The following PAFAH1B1 variants were observed in gnomAD, a reference collection of about 807,000 sequenced individuals.
The protein encoded by PAFAH1B1 is platelet-activating factor acetylhydrolase IB subunit beta.
In PAFAH1B1, 2 loss-of-function variants were observed where a neutral mutation model predicts 57.5. The ratio of observed to expected loss-of-function variants is 0.03; its 90% CI spans 0.01 to 0.11. The LOEUF is 0.11. Ranked by LOEUF, PAFAH1B1 falls within the 10% of genes least tolerant of loss-of-function variation. The pLI, the probability that PAFAH1B1 is intolerant of heterozygous loss-of-function variation, is 1.00. For synonymous variants in PAFAH1B1, 152 were observed against 169.6 expected, an observed-to-expected ratio of 0.90 and a Z score of 0.81; for missense variants, 257 against 512.0, an observed-to-expected ratio of 0.50 and a Z score of 4.81.
chr17:2,643,173 G>C (rs2068719528), intron 2 of PAFAH1B1, among the ~76,000 whole-genome samples: 1 of 151,712 alleles, frequency 6.6e-6, no homozygotes, highest in Non-Finnish European at 1.5e-5. Context: ...GCTCACTGCA[G>C]CCTTGACCTC....
intron 2 of PAFAH1B1, among the ~76,000 whole-genome samples, chr17:2,642,956 C>T (rs1297410501): frequency 6.6e-6 from 1 of 152,156 alleles, no homozygotes; most frequent in Non-Finnish European, 1.5e-5. Context: ...ATCCCTTCCA[C>T]CATGTTACCC....
At chr17:2,605,290 T>C (rs1441361845) in intron 1 of PAFAH1B1, among the ~76,000 whole-genome samples, 1 of 152,054 alleles carries the variant, frequency 6.6e-6, no homozygotes, top group African/African-American at 2.4e-5. Flanking sequence ...AGAAACGAGG[T>C]GTTATTAGCC....
chr17:2,669,155 C>G (rs965108072), intron 5 of PAFAH1B1, among the ~76,000 whole-genome samples: 5 of 152,002 alleles, frequency 3.3e-5, no homozygotes, highest in Non-Finnish European at 7.4e-5. Flanking sequence ...CTAATTGTTT[C>G]TCCCCATTAC....
At chr17:2,626,650 G>C (rs1007221362) in intron 1 of PAFAH1B1, among the ~76,000 whole-genome samples, 1 of 140,842 alleles carries the variant, frequency 7.1e-6, no homozygotes, top group African/African-American at 2.6e-5. Context: ...TGACTCCCTG[G>C]TTCAAGCAAT....
At chr17:2,596,690 G>A (rs992957597) in intron 1 of PAFAH1B1, among the ~76,000 whole-genome samples, 1 of 152,168 alleles carries the variant, frequency 6.6e-6, no homozygotes, top group Admixed American at 6.5e-5. Context: ...GTGAGGAAAT[G>A]AGTAAGGTTG....
chr17:2,680,981 G>A (rs1435499351), intron 10 of PAFAH1B1: 1 of 159,834 alleles, frequency 6.3e-6, no homozygotes, highest in East Asian at 1.9e-4. Context: ...CTACTCAGGA[G>A]GCTGAGGCTG....
At chr17:2,649,085 C>G (rs1395292086) in intron 2 of PAFAH1B1, among the ~76,000 whole-genome samples, 1 of 151,908 alleles carries the variant, frequency 6.6e-6, no homozygotes, top group Non-Finnish European at 1.5e-5. Flanking sequence ...GTGGCTCACA[C>G]CTGTAACCCG....
intron 1 of PAFAH1B1, among the ~76,000 whole-genome samples, chr17:2,622,701 A>G (rs1013488231): frequency 6.6e-6 from 1 of 152,180 alleles, no homozygotes; most frequent in African/African-American, 2.4e-5. Flanking sequence ...TCTGGAAGAC[A>G]GTGGCCCTCT....
intron 9 of PAFAH1B1, among the ~76,000 whole-genome samples, chr17:2,677,358 A>G (rs532014882): frequency 6.6e-6 from 1 of 152,292 alleles, no homozygotes; most frequent in Admixed American, 6.5e-5. Context: ...AGATATGTCA[A>G]TACTAGTAAG....
chr17:2,613,668 GC>G, intron 1 of PAFAH1B1: 1 of 287,318 alleles, frequency 3.5e-6, no homozygotes, highest in East Asian at 7.6e-5. Flanking sequence ...CCAGACAGCC[GC>G]CCCTCCGCGA....
chr17:2,666,449 T>C (rs1443642565), intron 4 of PAFAH1B1, among the ~76,000 whole-genome samples: 1 of 152,216 alleles, frequency 6.6e-6, no homozygotes, highest in Non-Finnish European at 1.5e-5. Context: ...TGAGCTTTTA[T>C]TTTTATCTGT....
chr17:2,593,355 G>A (rs191229114), upstream of PAFAH1B1: 2 of 152,806 alleles, frequency 1.3e-5, no homozygotes, highest in East Asian at 3.9e-4. Context: ...AGTTCAGAAG[G>A]GGCCGCAAGT....
intron 1 of PAFAH1B1, among the ~76,000 whole-genome samples, chr17:2,594,629 C>G (rs1412586349): frequency 6.6e-6 from 1 of 152,226 alleles, no homozygotes; most frequent in African/African-American, 2.4e-5. Context: ...GGTCCAGCCT[C>G]AGCACCCGCC....
rs746919551 is a variant in PAFAH1B1, at chr17:2,666,961, A to G, written c.193-31A>G. ...TCACATGCTATTTTTATTGAAATCT[A>G]TCTGTACGTAACTACATGTTCTTTT... is the stretch of plus-strand genomic sequence containing the variant. On this transcript the variant is annotated intron_variant, in intron 4 of 10. Coordinates refer to ENST00000397195, the MANE Select transcript of PAFAH1B1 (RefSeq NM_000430.4). 1.6e-5 allele frequency: 24 copies of G among 1,509,198 alleles called. No homozygotes were observed. In the South Asian group the frequency reaches 1.8e-4, roughly 11 times the overall value. 93.5% of individuals were successfully genotyped at this position (1,509,198 alleles called of 1,614,324 possible). A position where few individuals can be genotyped will look rare whatever the true frequency, so the allele number is the denominator to read the frequency against.
intron 1 of PAFAH1B1, among the ~76,000 whole-genome samples, chr17:2,628,123 G>A (rs2151627714): frequency 6.6e-6 from 1 of 152,270 alleles, no homozygotes; most frequent in East Asian, 1.9e-4. Flanking sequence ...TGTTGAAGAG[G>A]AGCGGTGAGA....
At chr17:2,674,429 C>T (rs936911710) in intron 8 of PAFAH1B1, 141 bp downstream of exon 8, 2 of 699,128 alleles carry the variant, frequency 2.9e-6, no homozygotes, top group African/African-American at 3.5e-5. Context: ...ATTCTCTACT[C>T]TTCACAGCTT....
chr17:2,615,264 T>C (rs571305511), intron 1 of PAFAH1B1, among the ~76,000 whole-genome samples: 4 of 152,190 alleles, frequency 2.6e-5, no homozygotes, highest in Non-Finnish European at 5.9e-5. Flanking sequence ...CATTGTTTTA[T>C]TGGTATCCGG....
At chr17:2,651,973 C>A (rs1401852916) in intron 2 of PAFAH1B1, among the ~76,000 whole-genome samples, 2 of 152,202 alleles carry the variant, frequency 1.3e-5, no homozygotes, top group African/African-American at 4.8e-5. Flanking sequence ...CCCTAAAAAT[C>A]TCAGCCTCCC....
Position 2,682,016 on chromosome 17 carries a change from C to T in PAFAH1B1, c.*214C>T. On this transcript the variant is annotated 3_prime_UTR_variant, in exon 11 of 11. Transcript: ENST00000397195. ...ATTTACATACGTTGTCTAGAAGTAC[C>T]ATAGGGTTTAAAAACCTGGGCTGGC... 2.0e-6 allele frequency: 1 copy of T among 512,742 alleles called. No individual in the cohort carries two copies. The highest frequency in any genetic ancestry group is 3.5e-6 in the Non-Finnish European group (1 of 288,808). The allele number at this position is 512,742 out of a possible 1,614,324, so 31.8% of individuals were successfully genotyped here. A position where few individuals can be genotyped will look rare whatever the true frequency, so the allele number is the denominator to read the frequency against.
Sources: allele counts gnomAD v4.1 joint callset (sites outside exome capture counted in the v4.1 genomes callset), GRCh38; gene constraint gnomAD v4.1.1; transcripts MANE v1.5; gene names NCBI Gene and HGNC (gene_info 2026-07-23, HGNC 2026-07-21).